L3MBTL3: variants seen among roughly 807,000 people sequenced by gnomAD.
L3MBTL3 encodes L3MBTL histone methyl-lysine binding protein 3, also known as lethal(3)malignant brain tumor-like protein 3.
Under a neutral mutation model 102.3 loss-of-function variants are expected in L3MBTL3, and 27 were observed. The ratio of observed to expected loss-of-function variants is 0.26; its 90% confidence interval spans 0.19 to 0.36. L3MBTL3 has a LOEUF of 0.36. L3MBTL3 is among the 10% of genes least tolerant of loss of function. The probability of loss-of-function intolerance (pLI) is 1.00; values close to 1 mark genes in which losing one functional copy is unlikely to be tolerated. For synonymous variants in L3MBTL3, 340 were observed against 320.9 expected, an observed-to-expected ratio of 1.06 and a Z score of -0.64; for missense variants, 798 against 955.3, an observed-to-expected ratio of 0.84 and a Z score of 2.17.
intron 19 of L3MBTL3, 55 bp downstream of exon 19, chr6:130,104,630 T>A: frequency 7.9e-7 from 1 of 1,266,772 alleles, no homozygotes; most frequent in Non-Finnish European, 1.1e-6. Context: ...TTAAAGAGAT[T>A]TTTTATCTTT....
chr6:130,111,770 C>G (rs914357962), intron 19 of L3MBTL3, among the ~76,000 whole-genome samples: 4 of 152,152 alleles, frequency 2.6e-5, no homozygotes, highest in African/African-American at 9.7e-5. Context: ...GATTTGAGGT[C>G]CTATCTTAGC....
intron 15 of L3MBTL3, 145 bp from the exon 16 acceptor site, chr6:130,085,995 C>T (rs1185409887): frequency 6.9e-5 from 39 of 562,954 alleles, no homozygotes; most frequent in Middle Eastern, 3.4e-4. Flanking sequence ...TCAAGTGATC[C>T]GCCCGCCTCA....
At chr6:130,037,796 A>G (rs914038116) in intron 2 of L3MBTL3, among the ~76,000 whole-genome samples, 4 of 152,100 alleles carry the variant, frequency 2.6e-5, no homozygotes, top group African/African-American at 4.8e-5. Context: ...TCAAAATCCA[A>G]TCGTCTGACT....
At position 130,123,404 on chromosome 6, in the gene L3MBTL3, T is replaced by A. The variant is rs1314483337; in HGVS notation, c.1966+2446T>A. Among the ~76,000 whole-genome samples, 2 of 152,158 alleles carry A rather than the reference T, an allele frequency of 1.3e-5. 1 individual carries two copies. ...TGTAAAACCTGTAGTTCAATGTGCA[T>A]GTTTTGCTTATTGTCTTACTTTTTG... On this transcript the variant is annotated intron_variant, in intron 20 of 22. Transcript: ENST00000361794.
At position 130,043,375 on chromosome 6, in the gene L3MBTL3, A is replaced by G. The variant is rs141012522; in HGVS notation, c.102+574A>G. Reference sequence around the variant, plus strand: ...ATAGATGAGAACTCTTTGGAGAGCAATACTTCAGTCTGCTGCTTTTGTATA... The same window carrying G: ...ATAGATGAGAACTCTTTGGAGAGCAGTACTTCAGTCTGCTGCTTTTGTATA... On this transcript the variant is annotated intron_variant, in intron 3 of 22. Transcript: ENST00000361794. 5.0e-3 allele frequency among the ~76,000 whole-genome samples: 760 copies of G among 152,310 alleles called. 2 individuals are homozygous for G. In the Middle Eastern group the frequency reaches 0.051, roughly 10 times the overall value.
chr6:130,121,436 C>CT (rs1287973804), intron 20 of L3MBTL3, among the ~76,000 whole-genome samples: 1 of 152,106 alleles, frequency 6.6e-6, no homozygotes, highest in Non-Finnish European at 1.5e-5. Context: ...AAAAGATGAA[C>CT]TTTAAGTTTG....
At chr6:130,019,625 TCACA>T (rs979727732) in intron 1 of L3MBTL3, among the ~76,000 whole-genome samples, 13 of 150,170 alleles carry the variant, frequency 8.7e-5, no homozygotes, top group Non-Finnish European at 1.3e-4. Flanking sequence ...ACACGCACAC[TCACA>T]CGCACGCACA....
chr6:130,064,457 GTA>G (rs1782110909), intron 10 of L3MBTL3, among the ~76,000 whole-genome samples: 1 of 152,170 alleles, frequency 6.6e-6, no homozygotes, highest in Non-Finnish European at 1.5e-5. Flanking sequence ...AGGGCTTGAA[GTA>G]GAGAGGAAGG....
intron 15 of L3MBTL3, among the ~76,000 whole-genome samples, chr6:130,084,668 A>T (rs1783567775): frequency 6.6e-6 from 1 of 152,218 alleles, no homozygotes; most frequent in East Asian, 1.9e-4. Flanking sequence ...TGCGAAGCAG[A>T]GCTGCATTAC....
intron 22 of L3MBTL3, 117 bp downstream of exon 22, chr6:130,134,022 T>C (rs1321966890): frequency 2.6e-6 from 2 of 765,606 alleles, no homozygotes; most frequent in Admixed American, 4.2e-5. Context: ...GTGTTGAAAT[T>C]GACAAATTGA....
At chr6:130,083,491 A>G (rs1433314913) in intron 14 of L3MBTL3, 129 bp from the exon 15 acceptor site, 1 of 456,512 alleles carries the variant, frequency 2.2e-6, no homozygotes, top group Admixed American at 4.2e-5. Context: ...TGAATGTGTG[A>G]GTAAAGTTGT....
rs1178976091 is a variant in L3MBTL3 at position 130,052,942 on chromosome 6, C to T, written c.533C>T (p.Ser178Phe). Residue 178 changes from serine to phenylalanine, a missense_variant, in exon 7 of 23, where the codon TCT (serine) becomes TTT (phenylalanine). Ser to Phe is a radical substitution (Grantham distance 155, BLOSUM62 -2). Around this residue, in one of 4 missense-constraint regions of L3MBTL3, gnomAD observed 434 missense variants for 506.6 expected, o/e 0.86. Coordinates refer to ENST00000361794, the MANE Select transcript of L3MBTL3 (RefSeq NM_032438.4). ...AGTCGGAAGAAAAAACCAAAATTAT[C>T]TCTGAAAGCTGACACCAAGGAGGAT... ...KCSRKKKPKLSLKADTKEDGE... is the reference protein window; with the variant it reads ...KCSRKKKPKLFLKADTKEDGE... 1 of 1,613,700 alleles carries T rather than the reference C, an allele frequency of 6.2e-7. No homozygotes were observed. The highest frequency in any genetic ancestry group is 8.5e-7 in the Non-Finnish European group (1 of 1,179,762).
chr6:130,038,615 T>A (rs957193816), intron 2 of L3MBTL3, among the ~76,000 whole-genome samples: 1 of 137,526 alleles, frequency 7.3e-6, no homozygotes, highest in Non-Finnish European at 1.6e-5. Flanking sequence ...CAAATCAGAT[T>A]ATTTGCTTTT....
intron 19 of L3MBTL3, among the ~76,000 whole-genome samples, chr6:130,112,707 A>G (rs1373268354): frequency 1.1e-4 from 16 of 144,158 alleles, no homozygotes; most frequent in Admixed American, 1.0e-3. Flanking sequence ...TCTGCCCCAT[A>G]TTAAGACGGT....
In L3MBTL3 at chr6:130,049,287, G is replaced by A; in HGVS notation, c.108G>A (p.Arg36=). 6.2e-7 allele frequency: 1 copy of A among 1,608,170 alleles called. No individual in the cohort carries two copies. The highest frequency in any genetic ancestry group is 8.5e-7 in the Non-Finnish European group (1 of 1,176,190). ...GTLPGSDLKF[R]VNEFGALEVI... is the part of the protein sequence containing the mutation. Reference sequence around the variant, plus strand: ...TTCTGCTGTGTTGTTGCTAGTTTCGGGTAAATGAGTTTGGAGCCCTGGAAG... The same window carrying A: ...TTCTGCTGTGTTGTTGCTAGTTTCGAGTAAATGAGTTTGGAGCCCTGGAAG... The change falls in exon 4 of 23, where the codon CGG becomes CGA. Residue 36 remains arginine, a synonymous_variant. Transcript: ENST00000361794.
At chr6:130,109,598 G>C (rs1785225948) in intron 19 of L3MBTL3, among the ~76,000 whole-genome samples, 1 of 152,054 alleles carries the variant, frequency 6.6e-6, no homozygotes, top group Non-Finnish European at 1.5e-5. Context: ...TATAGATTCT[G>C]GATCTTAGAC....
chr6:130,057,406 G>T lies in L3MBTL3; in HGVS notation c.668G>T (p.Gly223Val). The change falls in exon 9 of 23, where the codon GGT (glycine) becomes GTT (valine). Residue 223 changes from glycine (G) to valine (V), a missense_variant and splice_region_variant. Coordinates refer to ENST00000361794, the MANE Select transcript of L3MBTL3 (RefSeq NM_032438.4). ...RRGDSAVLKQGLPPKGKKAWC... is the reference protein window; with the variant it reads ...RRGDSAVLKQVLPPKGKKAWC... ...CATTTCCGTCTTGCTTGCCTTTCAG[G>T]TTTGCCTCCTAAAGGAAAGAAAGCG... 1 of 1,605,666 alleles carries T rather than the reference G, an allele frequency of 6.2e-7. No individual in the cohort carries two copies. The highest frequency in any genetic ancestry group is 8.5e-7 in the Non-Finnish European group (1 of 1,176,812).
chr6:130,077,473 G>C (rs1490870241), intron 13 of L3MBTL3, among the ~76,000 whole-genome samples: 4 of 152,062 alleles, frequency 2.6e-5, no homozygotes, highest in African/African-American at 9.7e-5. Flanking sequence ...CTGAATAAAG[G>C]AAGAAGCCTT....
chr6:130,125,107 T>C (rs577242060), intron 20 of L3MBTL3, among the ~76,000 whole-genome samples: 22 of 152,342 alleles, frequency 1.4e-4, no homozygotes, highest in South Asian at 1.2e-3. Flanking sequence ...GCTTAGATGC[T>C]GGATCTTGGG....
Sources: allele counts gnomAD v4.1 joint callset (sites outside exome capture counted in the v4.1 genomes callset), GRCh38; gene constraint gnomAD v4.1.1; regional missense constraint gnomAD v4.1.1; transcripts MANE v1.5; gene names NCBI Gene and HGNC (gene_info 2026-07-23, HGNC 2026-07-21).